DCAF8L2: variants seen among roughly 807,000 people sequenced by gnomAD.
DCAF8L2 encodes DDB1- and CUL4-associated factor 8-like protein 2.
For missense variants in DCAF8L2, 430 were observed against 490.7 expected, an observed-to-expected ratio of 0.88 and a Z score of 1.17; for synonymous variants, 200 against 190.9, an observed-to-expected ratio of 1.05 and a Z score of -0.39.
chrX:27,545,995 T>G, the DCAF8L2 span, among the ~76,000 whole-genome samples: 10,631 of 111,325 alleles, frequency 0.095, 408 homozygotes, highest in Non-Finnish European at 0.12. Flanking sequence ...CTTAACTCAT[T>G]TCAGCATTAA....
Position 27,664,775 on chromosome X carries a change from A to C in DCAF8L2, c.-219-13061A>C, listed in dbSNP as rs140669253. Among the ~76,000 whole-genome samples, 205 of 111,192 alleles carry C rather than the reference A, an allele frequency of 1.8e-3. 5 individuals are homozygous for C. In the East Asian group the frequency reaches 0.045, roughly 24 times the overall value. On this transcript the variant is annotated intron_variant, in intron 2 of 4. Coordinates refer to ENST00000451261, the MANE Select transcript of DCAF8L2 (RefSeq NM_001353450.2). ...TACCATTCCTAAGATCTTAGAGCCT[A>C]TAAGTATTTTGCTAAATTTACTCTG...
chrX:27,661,420 G>A (rs932440685), intron 2 of DCAF8L2, among the ~76,000 whole-genome samples: 2 of 111,439 alleles, frequency 1.8e-5, no homozygotes, highest in African/African-American at 6.5e-5. Context: ...TCGATCTGTC[G>A]TTTTGGTACT....
chrX:27,653,725 T>TACACACACACACACAC (rs34651746), intron 2 of DCAF8L2, among the ~76,000 whole-genome samples: 7 of 92,079 alleles, frequency 7.6e-5, no homozygotes, highest in African/African-American at 2.8e-4. Context: ...CAGATATGTA[T>TACACACACACACACAC]ACACACACAC....
At chrX:27,686,028 A>G in intron 3 of DCAF8L2, among the ~76,000 whole-genome samples, 1 of 111,849 alleles carries the variant, frequency 8.9e-6, no homozygotes, top group East Asian at 2.8e-4. Flanking sequence ...CAAAACCACA[A>G]TGAGATATAA....
the DCAF8L2 span, among the ~76,000 whole-genome samples, chrX:27,497,504 C>CTTTA: frequency 9.6e-5 from 3 of 31,263 alleles, no homozygotes; most frequent in South Asian, 9.8e-3. Flanking sequence ...ATTATTCTTT[C>CTTTA]TTTCTTTCCT....
At chrX:27,654,378 C>T (rs1929269492) in intron 2 of DCAF8L2, among the ~76,000 whole-genome samples, 1 of 112,193 alleles carries the variant, frequency 8.9e-6, no homozygotes, top group African/African-American at 3.2e-5. Flanking sequence ...TAATATAAAA[C>T]ATGTAACTCA....
At chrX:27,488,517 CTG>C in the DCAF8L2 span, among the ~76,000 whole-genome samples, 4,104 of 80,395 alleles carry the variant, frequency 0.051, 85 homozygotes, top group African/African-American at 0.072. Flanking sequence ...AAAATTACCT[CTG>C]TGTGTGTGTG....
chrX:27,748,068 A>G lies in DCAF8L2; in HGVS notation c.1173A>G (p.Val391=), dbSNP rs772541793. 2 of 1,212,158 alleles carry G rather than the reference A, an allele frequency of 1.6e-6. No homozygotes were observed. The highest frequency in any genetic ancestry group is 4.3e-5 in the Admixed American group (2 of 46,078). ...QFAVGGQDQF[V]RIYDQRKIDK... is the part of the protein sequence containing the mutation. ...CAGTGGGTGGACAAGATCAGTTTGT[A>G]AGGATTTATGACCAGAGGAAAATTG... Residue 391 remains valine, a synonymous_variant, in exon 5 of 5, where the codon GTA becomes GTG. Transcript: ENST00000451261.
the DCAF8L2 span, chrX:27,518,833 A>G: frequency 1.9e-6 from 1 of 538,404 alleles, no homozygotes; most frequent in Non-Finnish European, 3.4e-6. Flanking sequence ...GAGTCTGAAT[A>G]TTTATGAGCA....
the DCAF8L2 span, among the ~76,000 whole-genome samples, chrX:27,479,243 C>A: frequency 9.0e-6 from 1 of 111,029 alleles, no homozygotes; most frequent in East Asian, 2.9e-4. Flanking sequence ...TCCTGAGGAA[C>A]TGCATCCTGA....
chrX:27,497,910 A>G, the DCAF8L2 span, among the ~76,000 whole-genome samples: 1 of 112,287 alleles, frequency 8.9e-6, no homozygotes, highest in African/African-American at 3.2e-5. Flanking sequence ...AAGTGAAATC[A>G]TACAGAATTT....
chrX:27,661,381 T>A (rs1248570552), intron 2 of DCAF8L2, among the ~76,000 whole-genome samples: 4 of 111,925 alleles, frequency 3.6e-5, no homozygotes, highest in African/African-American at 1.3e-4. Flanking sequence ...CAGTGTTCTC[T>A]GCTAGAACTT....
Position 27,747,948 on chromosome X carries a change from C to A in DCAF8L2, c.1053C>A (p.Asp351Glu). 1 of 1,211,700 alleles carries A rather than the reference C, an allele frequency of 8.3e-7. No homozygotes were observed. The highest frequency in any genetic ancestry group is 1.1e-6 in the Non-Finnish European group (1 of 895,486). ...AVVFTIDLRQDRPASKVVVTR... is the reference protein window; with the variant it reads ...AVVFTIDLRQERPASKVVVTR... ...TCTTCACCATTGACCTCAGACAAGA[C>A]CGGCCAGCTTCAAAAGTTGTGGTAA... Residue 351 changes from aspartate (D) to glutamate (E), a missense_variant, in exon 5 of 5, where the codon GAC becomes GAA. Physicochemically the swap from Asp to Glu is conservative, Grantham distance 45. Coordinates refer to ENST00000451261, the MANE Select transcript of DCAF8L2 (RefSeq NM_001353450.2).
At chrX:27,581,955 G>A in the DCAF8L2 span, among the ~76,000 whole-genome samples, 4 of 112,110 alleles carry the variant, frequency 3.6e-5, no homozygotes, top group East Asian at 2.8e-4. Flanking sequence ...TGGGAAAGAC[G>A]TGGGTTTATT....
chrX:27,596,029 A>G (rs994681693), intron 1 of DCAF8L2, among the ~76,000 whole-genome samples: 1 of 112,253 alleles, frequency 8.9e-6, no homozygotes, highest in Non-Finnish European at 1.9e-5. Flanking sequence ...TCCATCTCCA[A>G]AAAAACAAAA....
chrX:27,698,558 C>T (rs1337423832), intron 3 of DCAF8L2, among the ~76,000 whole-genome samples: 1 of 112,085 alleles, frequency 8.9e-6, no homozygotes, highest in Non-Finnish European at 1.9e-5. Context: ...GCTACCATTT[C>T]ACCAAGAGAT....
chrX:27,572,324 A>G, the DCAF8L2 span, among the ~76,000 whole-genome samples: 1 of 111,571 alleles, frequency 9.0e-6, no homozygotes, highest in Non-Finnish European at 1.9e-5. Flanking sequence ...CACCATAGTT[A>G]GCTCAGCCAG....
At chrX:27,629,807 C>T (rs1353875218) in intron 1 of DCAF8L2, among the ~76,000 whole-genome samples, 1 of 111,247 alleles carries the variant, frequency 9.0e-6, no homozygotes, top group Non-Finnish European at 1.9e-5. Context: ...TTTTATCACT[C>T]CATATGAATT....
intron 1 of DCAF8L2, among the ~76,000 whole-genome samples, chrX:27,626,393 A>G (rs921850796): frequency 7.8e-4 from 87 of 112,218 alleles, no homozygotes; most frequent in Middle Eastern, 4.6e-3. Flanking sequence ...TGAGCCCAAA[A>G]GAAGCAATTT....
Sources: gnomAD v4.1 joint callset for allele counts (sites outside exome capture counted in the v4.1 genomes callset) on GRCh38, gnomAD v4.1.1 for gene constraint, MANE v1.5 for transcripts, NCBI Gene and HGNC (gene_info 2026-07-23, HGNC 2026-07-21) for gene names.